Variants in DCAF8 observed in about 807,000 individuals in gnomAD.
The protein encoded by DCAF8 is DDB1 and CUL4 associated factor 8.
In DCAF8, 20 loss-of-function variants were observed where a neutral mutation model predicts 68.0. That is an observed-to-expected ratio of 0.29 (90% confidence interval 0.21 to 0.43). The LOEUF is 0.43. DCAF8 is among the 20% of genes least tolerant of loss of function. The probability of loss-of-function intolerance (pLI) is 1.00; values close to 1 mark genes in which losing one functional copy is unlikely to be tolerated. For synonymous variants in DCAF8, 230 were observed against 276.9 expected, an observed-to-expected ratio of 0.83 and a Z score of 1.68; for missense variants, 460 against 771.0, an observed-to-expected ratio of 0.60 and a Z score of 4.78.
chr1:160,227,078 G>T (rs1655501763), intron 7 of DCAF8, among the ~76,000 whole-genome samples: 1 of 152,158 alleles, frequency 6.6e-6, no homozygotes, highest in Non-Finnish European at 1.5e-5. Context: ...ATGCACATAA[G>T]CATACTTTCT....
intron 11 of DCAF8, chr1:160,220,026 G>C (rs1655246971): frequency 6.6e-6 from 1 of 152,260 alleles, no homozygotes; most frequent in Non-Finnish European, 1.5e-5. Flanking sequence ...GAGAAGTCAA[G>C]GGCAGGCATG....
At chr1:160,255,178 C>T (rs182814085) in intron 2 of DCAF8, among the ~76,000 whole-genome samples, 54 of 152,306 alleles carry the variant, frequency 3.5e-4, no homozygotes, top group Middle Eastern at 6.8e-3. Context: ...ATTCAGAGAG[C>T]TCCGTTAATA....
intron 6 of DCAF8, among the ~76,000 whole-genome samples, chr1:160,234,760 A>G (rs1397023982): frequency 6.6e-6 from 1 of 152,226 alleles, no homozygotes. Flanking sequence ...AACATCATGT[A>G]GTTCAAAAGA....
At chr1:160,224,306 A>T (rs964859617) in intron 10 of DCAF8, 136 bp downstream of exon 10, 1 of 633,474 alleles carries the variant, frequency 1.6e-6, no homozygotes, top group Non-Finnish European at 2.7e-6. Flanking sequence ...TGAAAACTCC[A>T]GCCCAATTCA....
intron 4 of DCAF8, 37 bp from the exon 5 acceptor site, chr1:160,238,784 G>A (rs775651321): frequency 1.9e-6 from 3 of 1,561,032 alleles, no homozygotes; most frequent in Non-Finnish European, 2.6e-6. Flanking sequence ...ACACACAAAA[G>A]AAATGAGAGA....
chr1:160,252,913 C>T (rs1656656335), intron 2 of DCAF8, among the ~76,000 whole-genome samples: 1 of 152,052 alleles, frequency 6.6e-6, no homozygotes, highest in Non-Finnish European at 1.5e-5. Flanking sequence ...TCCAAGCCGA[C>T]ATGTTAGGAA....
chr1:160,223,990 C>A (rs1416743213), intron 10 of DCAF8, among the ~76,000 whole-genome samples: 2 of 152,154 alleles, frequency 1.3e-5, no homozygotes, highest in Non-Finnish European at 2.9e-5. Context: ...AGACATGGAA[C>A]AAAACAGGCC....
chr1:160,231,151 T>C, intron 7 of DCAF8, 146 bp downstream of exon 7: 1 of 637,848 alleles, frequency 1.6e-6, no homozygotes, highest in Non-Finnish European at 2.8e-6. Context: ...CAAAGGCGTG[T>C]AAGATTTTTG....
intron 2 of DCAF8, among the ~76,000 whole-genome samples, chr1:160,245,522 T>A (rs1243933456): frequency 6.6e-6 from 1 of 152,156 alleles, no homozygotes; most frequent in African/African-American, 2.4e-5. Flanking sequence ...CAAAAGACAG[T>A]AGCCCAAAGA....
At chr1:160,248,877 AAC>A (rs1258975641) in intron 2 of DCAF8, among the ~76,000 whole-genome samples, 7 of 151,464 alleles carry the variant, frequency 4.6e-5, no homozygotes, top group Non-Finnish European at 1.0e-4. Context: ...CAGTCTACGC[AAC>A]AGAGTGACAC....
intron 6 of DCAF8, among the ~76,000 whole-genome samples, chr1:160,235,291 ACACGGCTAAT>A (rs1331916392): frequency 6.6e-6 from 1 of 151,452 alleles, no homozygotes; most frequent in African/African-American, 2.4e-5. Context: ...GTGCCACCAC[ACACGGCTAAT>A]TTTTGTATTT....
chr1:160,261,987 G>C (rs575662464), intron 1 of DCAF8: 1 of 192,884 alleles, frequency 5.2e-6, no homozygotes, highest in Admixed American at 6.1e-5. Context: ...TGAGGTGACG[G>C]GGAGACGCAG....
Position 160,240,023 on chromosome 1 carries a change from C to T in DCAF8, c.397G>A (p.Glu133Lys). 1 of 1,614,220 alleles carries T rather than the reference C, an allele frequency of 6.2e-7. No individual in the cohort carries two copies. The highest frequency in any genetic ancestry group is 8.5e-7 in the Non-Finnish European group (1 of 1,180,006). The change falls in exon 4 of 14, where the codon GAG (glutamate) becomes AAG (lysine). Residue 133 changes from glutamate (E) to lysine (K), a missense_variant. This residue lies in a region of DCAF8 where 156 missense variants were observed against 181.4 expected (regional missense o/e 0.86). Coordinates refer to ENST00000368074, the MANE Select transcript of DCAF8 (RefSeq NM_015726.4). ...ANRDQDSSDDERALEDWVSSE... is the reference protein window; with the variant it reads ...ANRDQDSSDDKRALEDWVSSE... ...GACACCCAGTCCTCTAGGGCCCGCT[C>T]ATCATCTGATGAGTCCTGGTCACGG...
rs1655181167 is a variant in DCAF8 at position 160,218,006 on chromosome 1, GCC to G, written c.1678-300_1678-299del. 8.0e-6 allele frequency: 4 copies of G among 501,438 alleles called. No homozygotes were observed. The East Asian group carries it at 9.7e-5, about 12-fold the overall frequency. 31.1% of individuals were successfully genotyped at this position (501,438 alleles called of 1,614,324 possible). On this transcript the variant is annotated intron_variant, in intron 13 of 13. Coordinates refer to ENST00000368074, the MANE Select transcript of DCAF8 (RefSeq NM_015726.4). ...GCCAGTTTGCCAACCCCTGAACTAG[GCC>G]TCTTTTGGCATAAGAGGAAAAATAG...
chr1:160,233,709 G>T (rs1655774041), intron 6 of DCAF8, among the ~76,000 whole-genome samples: 1 of 152,142 alleles, frequency 6.6e-6, no homozygotes, highest in African/African-American at 2.4e-5. Flanking sequence ...AGAAACTAAG[G>T]AATAGATTAT....
chr1:160,262,523 G>T lies in DCAF8; in HGVS notation c.-175C>A, dbSNP rs1350501988. On this transcript the variant is annotated 5_prime_UTR_variant, in exon 1 of 14. Transcript: ENST00000368074. ...CTGCGCTGCCACGCTTTCCGGCCCC[G>T]TTTGCGACGATGTGCTCGAGAAGAC... 2.5e-6 allele frequency: 1 copy of T among 399,366 alleles called. No homozygotes were observed. The highest frequency in any genetic ancestry group is 3.6e-5 in the East Asian group (1 of 28,090). 24.7% of individuals were successfully genotyped at this position (399,366 alleles called of 1,614,324 possible). A position where few individuals can be genotyped will look rare whatever the true frequency, so the allele number is the denominator to read the frequency against.
chr1:160,240,679 G>A (rs543324960), intron 3 of DCAF8, among the ~76,000 whole-genome samples: 3 of 152,200 alleles, frequency 2.0e-5, no homozygotes, highest in Non-Finnish European at 4.4e-5. Context: ...AAGTGTGCCT[G>A]ATACATCTAC....
chr1:160,238,643 T>C lies in DCAF8; in HGVS notation c.828A>G (p.Thr276=), dbSNP rs1655976150. ...CTCCCTTGTGCTGGGCCACACGTTT[T>C]GTATTCTTGCAACACTGTGTGGCAG... ...ELSATQCCKN[T]KRVAQHKGAS... The change falls in exon 5 of 14, where the codon ACA becomes ACG. Residue 276 remains threonine, a synonymous_variant. Coordinates refer to ENST00000368074, the MANE Select transcript of DCAF8 (RefSeq NM_015726.4). The C allele has an allele frequency of 6.2e-7, 1 of 1,613,234 alleles. No homozygotes were observed. Among genetic ancestry groups the C allele is most frequent in the East Asian group, 2.2e-5 (1 of 44,774 alleles).
chr1:160,219,127 G>T, intron 11 of DCAF8, 159 bp from the exon 12 acceptor site: 1 of 911,398 alleles, frequency 1.1e-6, no homozygotes, highest in Non-Finnish European at 1.6e-6. Context: ...AAAGGGCACT[G>T]AGGGTAGAGA....
Sources: allele counts gnomAD v4.1 joint callset (sites outside exome capture counted in the v4.1 genomes callset), GRCh38; gene constraint gnomAD v4.1.1; regional missense constraint gnomAD v4.1.1; transcripts MANE v1.5; gene names NCBI Gene and HGNC (gene_info 2026-07-23, HGNC 2026-07-21).